Variants in CNTNAP2 observed in about 807,000 individuals in gnomAD.
CNTNAP2 encodes the protein contactin-associated protein-like 2.
CNTNAP2 carries 98 observed loss-of-function variants against 155.2 expected under a neutral mutation model. The observed-to-expected ratio is 0.63, with a 90% confidence interval of 0.54 to 0.75. The LOEUF (loss-of-function observed/expected upper bound fraction) is 0.75. Ranked by LOEUF, CNTNAP2 falls within the 30% of genes least tolerant of loss-of-function variation. The pLI is 0.00. For missense variants in CNTNAP2, 1,727 were observed against 1,688.1 expected (o/e 1.02, Z -0.40); for synonymous variants, 651 against 631.2 (o/e 1.03, Z -0.47).
chr7:147,953,338 G>A (rs1326529266), intron 14 of CNTNAP2, among the ~76,000 whole-genome samples: 1 of 152,128 alleles, frequency 6.6e-6, no homozygotes, highest in Non-Finnish European at 1.5e-5. Flanking sequence ...TAGTCAAATA[G>A]TCTAAATTAC....
chr7:147,697,687 A>C (rs1405396244), intron 13 of CNTNAP2, among the ~76,000 whole-genome samples: 2 of 152,092 alleles, frequency 1.3e-5, no homozygotes, highest in African/African-American at 4.8e-5. Context: ...GGGTGACTGG[A>C]GGAGACCACA....
chr7:147,291,462 C>T (rs1805310549), intron 8 of CNTNAP2, among the ~76,000 whole-genome samples: 1 of 151,964 alleles, frequency 6.6e-6, no homozygotes, highest in Admixed American at 6.6e-5. Context: ...TTTAAAAATT[C>T]ATTGATGCTG....
At chr7:147,223,933 C>G (rs1327672203) in intron 8 of CNTNAP2, among the ~76,000 whole-genome samples, 1 of 90,742 alleles carries the variant, frequency 1.1e-5, no homozygotes, top group Non-Finnish European at 2.1e-5. Flanking sequence ...GAGCAAGACT[C>G]AATCTCAAAA....
intron 21 of CNTNAP2, among the ~76,000 whole-genome samples, chr7:148,304,207 C>T (rs1797447026): frequency 6.6e-6 from 1 of 152,158 alleles, no homozygotes; most frequent in Non-Finnish European, 1.5e-5. Flanking sequence ...AAGAAATTGT[C>T]CAAACATCGA....
intron 1 of CNTNAP2, among the ~76,000 whole-genome samples, chr7:146,568,191 A>G (rs950129133): frequency 1.3e-5 from 2 of 152,110 alleles, no homozygotes; most frequent in Non-Finnish European, 2.9e-5. Flanking sequence ...TACAGTAGAG[A>G]TAACAGAAGG....
At chr7:147,955,671 C>A (rs896282328) in intron 14 of CNTNAP2, among the ~76,000 whole-genome samples, 1 of 152,040 alleles carries the variant, frequency 6.6e-6, no homozygotes, top group African/African-American at 2.4e-5. Flanking sequence ...TGGCCTGCTC[C>A]CCACCTCAGC....
intron 1 of CNTNAP2, among the ~76,000 whole-genome samples, chr7:146,340,417 C>G (rs1274371598): frequency 6.6e-6 from 1 of 151,050 alleles, no homozygotes; most frequent in Non-Finnish European, 1.5e-5. Context: ...TCATCATGAC[C>G]TTATTCTTAT....
At chr7:146,207,193 A>G (rs192356519) in intron 1 of CNTNAP2, among the ~76,000 whole-genome samples, 2 of 152,140 alleles carry the variant, frequency 1.3e-5, no homozygotes, top group Non-Finnish European at 2.9e-5. Flanking sequence ...GTGACCCCAT[A>G]TATCTACAAG....
chr7:148,170,840 A>G (rs763428489), intron 17 of CNTNAP2, among the ~76,000 whole-genome samples: 3 of 152,194 alleles, frequency 2.0e-5, no homozygotes, highest in African/African-American at 4.8e-5. Flanking sequence ...AAGATAATAG[A>G]GTAAGTGATC....
chr7:147,486,332 G>A (rs1457578552), intron 11 of CNTNAP2, among the ~76,000 whole-genome samples: 1 of 152,244 alleles, frequency 6.6e-6, no homozygotes, highest in African/African-American at 2.4e-5. Flanking sequence ...GCCTCTCTGT[G>A]TCTAACCCAC....
intron 13 of CNTNAP2, among the ~76,000 whole-genome samples, chr7:147,715,479 T>C (rs1283099833): frequency 6.6e-6 from 1 of 152,160 alleles, no homozygotes; most frequent in African/African-American, 2.4e-5. Context: ...CTGTATAGTC[T>C]CTTTGTATAC....
intron 1 of CNTNAP2, among the ~76,000 whole-genome samples, chr7:146,682,890 C>T (rs1800529741): frequency 6.6e-6 from 1 of 152,116 alleles, no homozygotes; most frequent in African/African-American, 2.4e-5. Flanking sequence ...ATTGTTTCAT[C>T]CTGGTAGTAA....
At chr7:146,727,908 G>T (rs758477955) in intron 1 of CNTNAP2, among the ~76,000 whole-genome samples, 1 of 152,150 alleles carries the variant, frequency 6.6e-6, no homozygotes, top group African/African-American at 2.4e-5. Flanking sequence ...ACTCATGGGA[G>T]ATTTTATTTA....
intron 3 of CNTNAP2, among the ~76,000 whole-genome samples, chr7:146,918,805 A>C (rs1033407685): frequency 6.6e-6 from 1 of 152,218 alleles, no homozygotes; most frequent in Non-Finnish European, 1.5e-5. Flanking sequence ...CTTCTTCCTC[A>C]GAAACACCAA....
intron 1 of CNTNAP2, among the ~76,000 whole-genome samples, chr7:146,458,118 G>A (rs370183087): frequency 2.6e-5 from 4 of 151,986 alleles, no homozygotes; most frequent in Non-Finnish European, 5.9e-5. Context: ...CACATGGAGG[G>A]GAACAACACA....
intron 8 of CNTNAP2, among the ~76,000 whole-genome samples, chr7:147,133,790 G>C (rs368010166): frequency 6.6e-6 from 1 of 152,052 alleles, no homozygotes; most frequent in East Asian, 1.9e-4. Flanking sequence ...TGTTATGTCA[G>C]AGATGTGCCT....
chr7:146,566,173 A>C (rs1798354326), intron 1 of CNTNAP2, among the ~76,000 whole-genome samples: 1 of 152,208 alleles, frequency 6.6e-6, no homozygotes, highest in Admixed American at 6.5e-5. Flanking sequence ...TAGCAGCTTT[A>C]GTCTTCCTTA....
At chr7:146,596,595 CAGAGAGAGAGAGAG>C (rs368697909) in intron 1 of CNTNAP2, among the ~76,000 whole-genome samples, 108 of 105,076 alleles carry the variant, frequency 1.0e-3, no homozygotes, top group African/African-American at 2.5e-3. Context: ...AGAAGGGAGA[CAGAGAGAGAGAGAG>C]AGAGAGAGAG....
intron 1 of CNTNAP2, among the ~76,000 whole-genome samples, chr7:146,393,244 T>A (rs1392169004): frequency 6.6e-6 from 1 of 152,196 alleles, no homozygotes; most frequent in Non-Finnish European, 1.5e-5. Context: ...GACAAAGTTC[T>A]TTCATATTCT....
Sources: gnomAD v4.1 joint callset for allele counts (sites outside exome capture counted in the v4.1 genomes callset) on GRCh38, gnomAD v4.1.1 for gene constraint, MANE v1.5 for transcripts, NCBI Gene and HGNC (gene_info 2026-07-23, HGNC 2026-07-21) for gene names.